KLHL1: variants seen among roughly 807,000 people sequenced by gnomAD.
KLHL1 encodes kelch like family member 1.
A neutral mutation model predicts 77.7 loss-of-function variants in KLHL1; 47 were observed. That is an observed-to-expected ratio of 0.60 (90% confidence interval 0.48 to 0.77). KLHL1 has a LOEUF of 0.77. Ranked by LOEUF, KLHL1 falls within the 30% of genes least tolerant of loss-of-function variation. The probability of loss-of-function intolerance (pLI) is 0.00; values close to 1 mark genes in which losing one functional copy is unlikely to be tolerated. For synonymous variants in KLHL1, 360 were observed against 325.2 expected (o/e 1.11, Z -1.15); for missense variants, 925 against 910.8 (o/e 1.02, Z -0.20).
At chr13:69,732,367 C>A (rs1309262464) in intron 8 of KLHL1, among the ~76,000 whole-genome samples, 1 of 152,054 alleles carries the variant, frequency 6.6e-6, no homozygotes, top group Admixed American at 6.6e-5. Flanking sequence ...GAGTTGAGAT[C>A]GTTAAAATGA....
intron 7 of KLHL1, among the ~76,000 whole-genome samples, chr13:69,781,945 A>C (rs1294725248): frequency 2.6e-5 from 4 of 152,174 alleles, no homozygotes. Flanking sequence ...GATGACATCA[A>C]TTGTAGATTT....
intron 4 of KLHL1, chr13:69,894,878 C>G (rs1003971017): frequency 3.4e-6 from 1 of 298,456 alleles, no homozygotes; most frequent in Non-Finnish European, 6.6e-6. Flanking sequence ...TTCACCCTAA[C>G]TAGCACCTCT....
intron 6 of KLHL1, among the ~76,000 whole-genome samples, chr13:69,809,601 A>G (rs76546179): frequency 6.6e-6 from 1 of 152,260 alleles, no homozygotes; most frequent in Non-Finnish European, 1.5e-5. Context: ...CTATCACAAA[A>G]GCACACAGCC....
At chr13:69,815,854 CCAACCAT>C (rs2138070061) in intron 6 of KLHL1, among the ~76,000 whole-genome samples, 1 of 151,662 alleles carries the variant, frequency 6.6e-6, no homozygotes, top group South Asian at 2.1e-4. Context: ...TATATAACCT[CCAACCAT>C]CTAAATATAA....
intron 1 of KLHL1, among the ~76,000 whole-genome samples, chr13:70,028,285 T>C (rs1357388437): frequency 2.0e-5 from 3 of 152,110 alleles, no homozygotes; most frequent in Non-Finnish European, 2.9e-5. Flanking sequence ...AATCACTCAA[T>C]AAAGGGAGAT....
intron 1 of KLHL1, among the ~76,000 whole-genome samples, chr13:70,048,636 CA>C (rs1187032985): frequency 6.6e-6 from 1 of 152,206 alleles, no homozygotes; most frequent in East Asian, 1.9e-4. Flanking sequence ...AAGGAGCATG[CA>C]AGATCCCTCA....
chr13:70,067,821 A>G (rs1198625559), intron 1 of KLHL1, among the ~76,000 whole-genome samples: 1 of 152,156 alleles, frequency 6.6e-6, no homozygotes, highest in African/African-American at 2.4e-5. Context: ...CCATTATGCC[A>G]TCATAACCAT....
At chr13:69,816,324 A>C (rs1172796565) in intron 6 of KLHL1, among the ~76,000 whole-genome samples, 3 of 150,984 alleles carry the variant, frequency 2.0e-5, no homozygotes, top group Admixed American at 6.6e-5. Flanking sequence ...GCAGTAGCAC[A>C]ATCTCGGCTC....
intron 1 of KLHL1, among the ~76,000 whole-genome samples, chr13:70,077,349 A>C (rs906365703): frequency 3.3e-5 from 5 of 151,906 alleles, no homozygotes; most frequent in Admixed American, 3.3e-4. Flanking sequence ...AAATGAAATA[A>C]GCTGGTCCAC....
chr13:69,779,420 TTTTCCTTC>T (rs1876018133), intron 7 of KLHL1, among the ~76,000 whole-genome samples: 1 of 147,088 alleles, frequency 6.8e-6, no homozygotes, highest in African/African-American at 2.5e-5. Flanking sequence ...TTCCTTCCCT[TTTTCCTTC>T]TTTCCTTTCT....
At chr13:70,052,585 A>G (rs1483289094) in intron 1 of KLHL1, among the ~76,000 whole-genome samples, 2 of 151,952 alleles carry the variant, frequency 1.3e-5, no homozygotes, top group African/African-American at 4.8e-5. Flanking sequence ...AGTTAATTTT[A>G]AGTATATTTT....
chr13:69,805,422 T>C (rs1307780229), intron 6 of KLHL1, among the ~76,000 whole-genome samples: 1 of 151,888 alleles, frequency 6.6e-6, no homozygotes, highest in South Asian at 2.1e-4. Flanking sequence ...ACAAAGAATA[T>C]AGAACACATT....
intron 6 of KLHL1, among the ~76,000 whole-genome samples, chr13:69,824,317 TA>T (rs1237030137): frequency 6.6e-6 from 1 of 151,984 alleles, no homozygotes; most frequent in African/African-American, 2.4e-5. Flanking sequence ...ATAATGAAAA[TA>T]ACACTATGTT....
At chr13:69,948,674 T>C (rs1883607565) in intron 3 of KLHL1, among the ~76,000 whole-genome samples, 1 of 151,952 alleles carries the variant, frequency 6.6e-6, no homozygotes, top group South Asian at 2.1e-4. Context: ...ATATGTAAAA[T>C]AGAATGGGAA....
At chr13:70,057,766 G>A (rs1252571886) in intron 1 of KLHL1, among the ~76,000 whole-genome samples, 1 of 106,390 alleles carries the variant, frequency 9.4e-6, no homozygotes, top group Non-Finnish European at 1.7e-5. Flanking sequence ...CTGGGCGACA[G>A]AGCGAGACTC....
At chr13:69,897,580 C>A (rs1392956226) in intron 4 of KLHL1, among the ~76,000 whole-genome samples, 1 of 152,110 alleles carries the variant, frequency 6.6e-6, no homozygotes. Context: ...ACATTGGTTC[C>A]TTGCTGGATG....
chr13:69,719,879 T>C (rs1872963306), intron 8 of KLHL1, among the ~76,000 whole-genome samples: 1 of 151,888 alleles, frequency 6.6e-6, no homozygotes, highest in Admixed American at 6.6e-5. Flanking sequence ...AATATTAGTA[T>C]ATTAGTTTAA....
chr13:69,949,760 A>G (rs74090642), intron 3 of KLHL1, among the ~76,000 whole-genome samples: 19,399 of 150,072 alleles, frequency 0.13, 1,932 homozygotes, highest in East Asian at 0.29. Flanking sequence ...TTTTGAATAA[A>G]TGTTTCAAAA....
At chr13:69,713,241 A>G (rs1447596411) in intron 9 of KLHL1, among the ~76,000 whole-genome samples, 2 of 152,194 alleles carry the variant, frequency 1.3e-5, no homozygotes, top group Non-Finnish European at 2.9e-5. Context: ...AATCTTGAAT[A>G]CTGGCATTGT....
Sources: allele counts gnomAD v4.1 joint callset (sites outside exome capture counted in the v4.1 genomes callset), GRCh38; gene constraint gnomAD v4.1.1; transcripts MANE v1.5; gene names NCBI Gene and HGNC (gene_info 2026-07-23, HGNC 2026-07-21).